Variants in RALGPS2 observed in about 807,000 individuals in gnomAD.
RALGPS2 encodes the protein Ral GEF with PH domain and SH3 binding motif 2.
In RALGPS2, 43 loss-of-function variants were observed where a neutral mutation model predicts 86.8. That is an observed-to-expected ratio of 0.50 (90% CI 0.39 to 0.64). The LOEUF (loss-of-function observed/expected upper bound fraction) is 0.64, where lower values mean the gene tolerates loss of function less well. Among genes scored for constraint, RALGPS2 ranks in the 30% least tolerant of loss-of-function variants. The probability of loss-of-function intolerance (pLI) is 0.00; values close to 1 mark genes in which losing one functional copy is unlikely to be tolerated. For synonymous variants in RALGPS2, 243 were observed against 231.3 expected (o/e 1.05, Z -0.46); for missense variants, 536 against 694.6 (o/e 0.77, Z 2.57).
chr1:178,784,931 A>G (rs371991194), intron 3 of RALGPS2, among the ~76,000 whole-genome samples: 2 of 152,000 alleles, frequency 1.3e-5, no homozygotes, highest in African/African-American at 4.8e-5. Context: ...AAAAACATTT[A>G]TTTCTTAATA....
In RALGPS2 at chr1:178,917,545, T is replaced by A. The variant is rs1359037482; in HGVS notation, c.*1186T>A. The A allele has an allele frequency of 1.3e-5, 2 of 152,144 alleles. No individual in the cohort carries two copies. Among genetic ancestry groups the A allele is most frequent in the African/African-American group, 2.4e-5 (1 of 41,434 alleles). The allele number at this position is 152,144 out of a possible 1,614,324, so 9.4% of individuals were successfully genotyped here. ...AATATCAGATTCTGGAAATTTTAAG[T>A]ATCTAAACTTTATACTTGTATGATT... On this transcript the variant is annotated 3_prime_UTR_variant, in exon 20 of 20. Coordinates refer to ENST00000367635, the MANE Select transcript of RALGPS2 (RefSeq NM_152663.5).
intron 1 of RALGPS2, among the ~76,000 whole-genome samples, chr1:178,770,017 T>G (rs952222265): frequency 8.9e-5 from 11 of 123,422 alleles, no homozygotes; most frequent in Admixed American, 4.6e-4. Flanking sequence ...GTCGATTGCT[T>G]CTTTTTTTTT....
intron 1 of RALGPS2, among the ~76,000 whole-genome samples, chr1:178,757,795 G>C (rs1471065515): frequency 6.6e-6 from 1 of 152,126 alleles, no homozygotes; most frequent in Non-Finnish European, 1.5e-5. Flanking sequence ...TCAAGGTGAT[G>C]CTGGCTTCAT....
Position 178,865,439 on chromosome 1 carries a change from A to G in RALGPS2, c.608-12059A>G, listed in dbSNP as rs746689032. On this transcript the variant is annotated intron_variant, in intron 8 of 19. Transcript: ENST00000367635. ...CTTTCTCAGCAGCTTTACCTCATTC[A>G]CAATGTTTCCATCTACATCCACCAC... The G allele has an allele frequency of 1.9e-6, 3 of 1,613,992 alleles. No homozygotes were observed. The South Asian group carries it at 3.3e-5, about 18-fold the overall frequency.
intron 7 of RALGPS2, among the ~76,000 whole-genome samples, chr1:178,831,664 AC>A (rs1656028223): frequency 7.1e-6 from 1 of 141,808 alleles, no homozygotes; most frequent in Non-Finnish European, 1.5e-5. Flanking sequence ...AGGGGAAAAT[AC>A]AGTAAAGAGA....
intron 1 of RALGPS2, among the ~76,000 whole-genome samples, chr1:178,765,114 C>T (rs555935251): frequency 1.1e-4 from 17 of 151,900 alleles, no homozygotes; most frequent in South Asian, 6.2e-4. Context: ...CAACCAGAGC[C>T]GATTAAACCA....
chr1:178,814,043 C>T (rs1424334355), intron 6 of RALGPS2, among the ~76,000 whole-genome samples: 3 of 152,216 alleles, frequency 2.0e-5, no homozygotes, highest in Admixed American at 6.5e-5. Flanking sequence ...TGGGAATTTT[C>T]ATATGCCTCT....
intron 1 of RALGPS2, among the ~76,000 whole-genome samples, chr1:178,735,853 C>G (rs1200707563): frequency 1.3e-5 from 2 of 151,984 alleles, no homozygotes; most frequent in African/African-American, 4.8e-5. Flanking sequence ...TTTCTACTAT[C>G]ATTTTTAATG....
rs577274452 is a variant in RALGPS2, at chr1:178,755,334, C to T, written c.-83-21348C>T. On this transcript the variant is annotated intron_variant, in intron 1 of 19. Transcript: ENST00000367635. ...AGTAGTTAGTTTTTCAACCCTTCCC[C>T]CTTTCCCTCACTACTCCTGCTGGTG... Among the ~76,000 whole-genome samples the T allele has an allele frequency of 6.6e-5, 10 of 152,246 alleles. 1 individual carries two copies. Among genetic ancestry groups the T allele is most frequent in the Non-Finnish European group, 1.0e-4 (7 of 68,018 alleles).
At chr1:178,768,900 T>C (rs995351901) in intron 1 of RALGPS2, among the ~76,000 whole-genome samples, 2 of 152,092 alleles carry the variant, frequency 1.3e-5, no homozygotes, top group African/African-American at 4.8e-5. Context: ...CTCCAGATGC[T>C]TGGAGATATG....
rs1656798132 is a variant in RALGPS2, at chr1:178,845,000, CA to C, written c.607+11454del. On this transcript the variant is annotated intron_variant, in intron 8 of 19. Transcript: ENST00000367635. ...TTCGAGACCAGCCTGGCCAACATGG[CA>C]AAACCACGTCTCTACTAAAAAATAC... Among the ~76,000 whole-genome samples, 6 of 149,234 alleles carry C rather than the reference CA, an allele frequency of 4.0e-5. No individual in the cohort carries two copies. The South Asian group carries it at 1.3e-3, about 31-fold the overall frequency.
intron 8 of RALGPS2, among the ~76,000 whole-genome samples, chr1:178,843,945 G>C (rs1656739936): frequency 6.6e-6 from 1 of 152,076 alleles, no homozygotes; most frequent in Non-Finnish European, 1.5e-5. Flanking sequence ...TGACTGCTTT[G>C]CCTTATAGCA....
chr1:178,826,127 G>A (rs891216972), intron 7 of RALGPS2, among the ~76,000 whole-genome samples: 2 of 152,056 alleles, frequency 1.3e-5, no homozygotes, highest in African/African-American at 4.8e-5. Context: ...TGTTTTAACC[G>A]ATAAAGGGAA....
intron 4 of RALGPS2, among the ~76,000 whole-genome samples, chr1:178,800,345 A>G (rs1056782477): frequency 2.7e-4 from 41 of 152,144 alleles, no homozygotes; most frequent in African/African-American, 8.9e-4. Flanking sequence ...AGTCAGACCT[A>G]AATTACATAT....
At chr1:178,773,436 T>C (rs1652904938) in intron 1 of RALGPS2, among the ~76,000 whole-genome samples, 1 of 152,198 alleles carries the variant, frequency 6.6e-6, no homozygotes, top group Admixed American at 6.5e-5. Context: ...AAGCATATAT[T>C]TGGCATATTT....
At chr1:178,811,113 G>A (rs1654954876) in intron 5 of RALGPS2, among the ~76,000 whole-genome samples, 1 of 151,492 alleles carries the variant, frequency 6.6e-6, no homozygotes, top group South Asian at 2.1e-4. Context: ...CCCTACTTGG[G>A]AATCTTCACT....
intron 1 of RALGPS2, among the ~76,000 whole-genome samples, chr1:178,746,194 G>C (rs1651321616): frequency 6.6e-6 from 1 of 152,044 alleles, no homozygotes; most frequent in Admixed American, 6.6e-5. Context: ...TCAAATATGT[G>C]ATTAAGGTCT....
chr1:178,893,059 G>T (rs942032902), intron 15 of RALGPS2, among the ~76,000 whole-genome samples: 1 of 151,994 alleles, frequency 6.6e-6, no homozygotes, highest in Non-Finnish European at 1.5e-5. Context: ...TAATCACAAA[G>T]GAATAAACTG....
At chr1:178,897,807 G>A in intron 17 of RALGPS2, 51 bp downstream of exon 17, 1 of 1,520,042 alleles carries the variant, frequency 6.6e-7, no homozygotes, top group Non-Finnish European at 9.1e-7. Context: ...ACTGTTCATG[G>A]TTATAAAGAA....
Sources: allele counts gnomAD v4.1 joint callset (sites outside exome capture counted in the v4.1 genomes callset), GRCh38; gene constraint gnomAD v4.1.1; transcripts MANE v1.5; gene names NCBI Gene and HGNC (gene_info 2026-07-23, HGNC 2026-07-21).